ARHGEF4: variants seen among roughly 807,000 people sequenced by gnomAD.
ARHGEF4 encodes the protein APC-stimulated guanine nucleotide exchange factor 1.
In ARHGEF4, 119 loss-of-function variants were observed where a neutral mutation model predicts 162.0. That is an observed-to-expected ratio of 0.73 (90% confidence interval 0.63 to 0.86). ARHGEF4 has a LOEUF of 0.86. Ranked by LOEUF, ARHGEF4 falls within the 40% of genes least tolerant of loss-of-function variation. The pLI is 0.00. For synonymous variants in ARHGEF4, 1,014 were observed against 979.9 expected (o/e 1.03, Z -0.65); for missense variants, 2,488 against 2,456.0 (o/e 1.01, Z -0.28).
intron 1 of ARHGEF4, among the ~76,000 whole-genome samples, chr2:130,890,280 G>A (rs752503109): frequency 6.6e-6 from 1 of 151,956 alleles, no homozygotes; most frequent in African/African-American, 2.4e-5. Flanking sequence ...TCATCATTTT[G>A]CCTGGGCATG....
intron 4 of ARHGEF4, among the ~76,000 whole-genome samples, chr2:130,965,298 G>A (rs1684929360): frequency 6.6e-6 from 1 of 152,250 alleles, no homozygotes; most frequent in South Asian, 2.1e-4. Flanking sequence ...CAGATTCAGA[G>A]TTTGGACTTT....
At chr2:130,976,061 G>C (rs774050712) in intron 4 of ARHGEF4, among the ~76,000 whole-genome samples, 2 of 152,112 alleles carry the variant, frequency 1.3e-5, no homozygotes, top group Admixed American at 6.5e-5. Flanking sequence ...TCCGAATCCC[G>C]TGTTTACTCT....
chr2:131,023,168 C>G (rs1168597361), intron 4 of ARHGEF4, among the ~76,000 whole-genome samples: 2 of 150,148 alleles, frequency 1.3e-5, no homozygotes, highest in Non-Finnish European at 1.5e-5. Context: ...ATGGTTTACA[C>G]TTGTAATCTC....
In ARHGEF4 at chr2:130,916,684, A is replaced by C; in HGVS notation, c.2738A>C (p.His913Pro). The change falls in exon 2 of 14, where the codon CAT becomes CCT. Residue 913 changes from histidine (H) to proline (P), a missense_variant. Coordinates refer to ENST00000409359, the MANE Select transcript of ARHGEF4 (RefSeq NM_001367493.1). ...KKLRARLALA[H>P]KTFSNFIESI... Reference sequence around the variant, plus strand: ...CTCAGGGCAAGGTTGGCCTTGGCTCATAAGACCTTTTCAAACTTTATTGAG... The same window carrying C: ...CTCAGGGCAAGGTTGGCCTTGGCTCCTAAGACCTTTTCAAACTTTATTGAG... 1.3e-6 allele frequency: 2 copies of C among 1,550,670 alleles called. No homozygotes were observed. The highest frequency in any genetic ancestry group is 1.7e-6 in the Non-Finnish European group (2 of 1,147,000).
At chr2:131,013,200 C>T (rs1317361986) in intron 4 of ARHGEF4, among the ~76,000 whole-genome samples, 1 of 152,116 alleles carries the variant, frequency 6.6e-6, no homozygotes, top group Non-Finnish European at 1.5e-5. Context: ...ACCTAAGGTG[C>T]CCAGCTCTCA....
At chr2:130,872,749 C>A (rs1678573131) in intron 1 of ARHGEF4, among the ~76,000 whole-genome samples, 1 of 152,194 alleles carries the variant, frequency 6.6e-6, no homozygotes, top group Non-Finnish European at 1.5e-5. Context: ...TACAAAGGAG[C>A]AGAGGAGAAG....
chr2:131,037,695 AG>A (rs1690405010), intron 5 of ARHGEF4, among the ~76,000 whole-genome samples: 1 of 152,230 alleles, frequency 6.6e-6, no homozygotes, highest in African/African-American at 2.4e-5. Flanking sequence ...AGGAGAAAGC[AG>A]GGGTCAGCCC....
chr2:131,010,679 G>A (rs1688391313), intron 4 of ARHGEF4, among the ~76,000 whole-genome samples: 1 of 152,200 alleles, frequency 6.6e-6, no homozygotes, highest in African/African-American at 2.4e-5. Flanking sequence ...ACTTAGATTG[G>A]TCAGGAGCCC....
chr2:130,935,139 C>G (rs948559639), intron 3 of ARHGEF4, among the ~76,000 whole-genome samples: 3 of 151,562 alleles, frequency 2.0e-5, no homozygotes, highest in Non-Finnish European at 2.9e-5. Context: ...ATTTTTATCC[C>G]ATTTTTAATT....
intron 1 of ARHGEF4, among the ~76,000 whole-genome samples, chr2:130,845,178 G>A (rs1405136782): frequency 6.6e-6 from 1 of 151,582 alleles, no homozygotes; most frequent in Non-Finnish European, 1.5e-5. Context: ...ACTTGGCCAA[G>A]TGTGATGCTG....
At chr2:130,892,563 G>T (rs1679917960) in intron 1 of ARHGEF4, among the ~76,000 whole-genome samples, 1 of 152,310 alleles carries the variant, frequency 6.6e-6, no homozygotes, top group Admixed American at 6.5e-5. Context: ...CGCCTGAAGT[G>T]TAAAACAAAG....
At chr2:131,039,307 C>T (rs1256359868) in intron 6 of ARHGEF4, 3 of 1,250,272 alleles carry the variant, frequency 2.4e-6, no homozygotes, top group Admixed American at 7.6e-5. Context: ...CCCCGCAACT[C>T]CAGGCGCTAG....
At chr2:130,906,632 T>A (rs939121948) in intron 1 of ARHGEF4, among the ~76,000 whole-genome samples, 2 of 152,222 alleles carry the variant, frequency 1.3e-5, no homozygotes, top group Non-Finnish European at 2.9e-5. Flanking sequence ...CTCGTATACA[T>A]GTAAAATAGT....
At chr2:130,838,293 G>T (rs1680345970) in intron 1 of ARHGEF4, among the ~76,000 whole-genome samples, 1 of 152,200 alleles carries the variant, frequency 6.6e-6, no homozygotes, top group South Asian at 2.1e-4. Flanking sequence ...GGGTTAGTGT[G>T]AAGGTCTTAT....
At chr2:130,904,407 G>A (rs1289041122) in intron 1 of ARHGEF4, among the ~76,000 whole-genome samples, 2 of 152,108 alleles carry the variant, frequency 1.3e-5, no homozygotes, top group Admixed American at 6.5e-5. Flanking sequence ...CCTGCTCTGG[G>A]GGGAGGGGAG....
intron 4 of ARHGEF4, among the ~76,000 whole-genome samples, chr2:130,996,504 T>C (rs1687404128): frequency 6.6e-6 from 1 of 152,246 alleles, no homozygotes; most frequent in African/African-American, 2.4e-5. Flanking sequence ...ATTCTCTCTG[T>C]AGTCCATGAT....
intron 8 of ARHGEF4, 126 bp downstream of exon 8, chr2:131,040,566 T>C (rs1573702865): frequency 9.0e-7 from 1 of 1,105,860 alleles, no homozygotes; most frequent in East Asian, 2.6e-5. Context: ...GCTCCAGCCC[T>C]CTATCTGCCC....
chr2:130,957,895 AT>A lies in ARHGEF4; in HGVS notation c.3985+11268del, dbSNP rs374950342. Among the ~76,000 whole-genome samples the A allele has an allele frequency of 2.0e-3, 307 of 151,586 alleles. 3 individuals carry two copies. The highest frequency in any genetic ancestry group is 6.7e-3 in the African/African-American group (275 of 41,278). ...CCCTAACTGTGAGAAATAAATTCCT[AT>A]TTTTTTTATAAGCCACTCAGTCTGT... is the stretch of plus-strand genomic sequence containing the variant. On this transcript the variant is annotated intron_variant, in intron 4 of 13. Transcript: ENST00000409359.
chr2:130,854,886 A>G (rs924891202), intron 1 of ARHGEF4, among the ~76,000 whole-genome samples: 9 of 143,502 alleles, frequency 6.3e-5, no homozygotes, highest in African/African-American at 2.1e-4. Context: ...TTATTTATTT[A>G]TTTTCGAGAC....
Sources: allele counts gnomAD v4.1 joint callset (sites outside exome capture counted in the v4.1 genomes callset), GRCh38; gene constraint gnomAD v4.1.1; transcripts MANE v1.5; gene names NCBI Gene and HGNC (gene_info 2026-07-23, HGNC 2026-07-21).